Variants in ERC2 observed in about 807,000 individuals in gnomAD.
ERC2 encodes the protein ELKS/RAB6-interacting/CAST family member 2.
ERC2 carries 42 observed loss-of-function variants against 114.8 expected under a neutral mutation model. That is an observed-to-expected ratio of 0.37 (90% CI 0.29 to 0.47). The LOEUF (loss-of-function observed/expected upper bound fraction) is 0.47, where lower values mean the gene tolerates loss of function less well. Ranked by LOEUF, ERC2 falls within the 20% of genes least tolerant of loss-of-function variation. ERC2 has a pLI of 0.99. For synonymous variants in ERC2, 454 were observed against 425.5 expected, an observed-to-expected ratio of 1.07 and a Z score of -0.82; for missense variants, 939 against 1,150.7, an observed-to-expected ratio of 0.82 and a Z score of 2.66.
intron 14 of ERC2, among the ~76,000 whole-genome samples, chr3:55,748,364 A>T (rs2066440844): frequency 6.6e-6 from 1 of 152,196 alleles, no homozygotes; most frequent in African/African-American, 2.4e-5. Flanking sequence ...TTACTGAGTG[A>T]CCACTGTGTA....
intron 17 of ERC2, among the ~76,000 whole-genome samples, chr3:55,598,135 TC>T (rs2058236118): frequency 6.6e-6 from 1 of 152,236 alleles, no homozygotes. Context: ...CTTGCAAATG[TC>T]TTTTTCAGCA....
intron 13 of ERC2, among the ~76,000 whole-genome samples, chr3:55,913,156 T>TC (rs1368663644): frequency 1.3e-5 from 2 of 152,152 alleles, no homozygotes; most frequent in Non-Finnish European, 2.9e-5. Flanking sequence ...TGGCTATTTT[T>TC]CTTTTTTTAG....
intron 17 of ERC2, among the ~76,000 whole-genome samples, chr3:55,622,036 T>C (rs568482481): frequency 2.0e-4 from 31 of 152,318 alleles, no homozygotes; most frequent in African/African-American, 7.5e-4. Flanking sequence ...TAACTGGACA[T>C]AGTTGGGTAA....
intron 3 of ERC2, among the ~76,000 whole-genome samples, chr3:56,278,544 T>C (rs2054154830): frequency 6.6e-6 from 1 of 152,174 alleles, no homozygotes; most frequent in African/African-American, 2.4e-5. Context: ...AATGAGGACT[T>C]TAGTTTGGTT....
chr3:55,892,402 G>T (rs753622669), intron 13 of ERC2, among the ~76,000 whole-genome samples: 1 of 152,140 alleles, frequency 6.6e-6, no homozygotes, highest in Non-Finnish European at 1.5e-5. Context: ...CGCACCTAGA[G>T]TCCCAGCTAC....
chr3:55,828,141 CT>C (rs1203320056), intron 14 of ERC2, among the ~76,000 whole-genome samples: 1 of 152,254 alleles, frequency 6.6e-6, no homozygotes, highest in Non-Finnish European at 1.5e-5. Context: ...ACAGGGAAAG[CT>C]GCACAATGGC....
At chr3:56,048,703 T>C (rs565517496) in intron 7 of ERC2, among the ~76,000 whole-genome samples, 1 of 152,312 alleles carries the variant, frequency 6.6e-6, no homozygotes, top group Non-Finnish European at 1.5e-5. Flanking sequence ...GTTTAATTCC[T>C]CCTGTATGCC....
At chr3:55,668,039 A>C (rs1015988721) in intron 17 of ERC2, among the ~76,000 whole-genome samples, 7 of 152,240 alleles carry the variant, frequency 4.6e-5, no homozygotes, top group African/African-American at 1.7e-4. Context: ...ACAACCAAAA[A>C]TGATTCCAGA....
intron 14 of ERC2, among the ~76,000 whole-genome samples, chr3:55,844,750 A>G (rs1373865230): frequency 6.6e-6 from 1 of 152,242 alleles, no homozygotes; most frequent in Non-Finnish European, 1.5e-5. Context: ...TTATAACACC[A>G]AAATAAAAGT....
chr3:55,755,610 T>A (rs952489654), intron 14 of ERC2, among the ~76,000 whole-genome samples: 1 of 152,190 alleles, frequency 6.6e-6, no homozygotes, highest in Non-Finnish European at 1.5e-5. Flanking sequence ...ATACTTCAGT[T>A]CTCAGGTTGT....
intron 15 of ERC2, among the ~76,000 whole-genome samples, chr3:55,704,789 T>C (rs1446036057): frequency 2.0e-5 from 3 of 152,196 alleles, no homozygotes; most frequent in Admixed American, 6.5e-5. Context: ...TAAGAATAAA[T>C]GATGTAAAGG....
intron 14 of ERC2, among the ~76,000 whole-genome samples, chr3:55,866,903 T>G (rs1372289665): frequency 6.6e-6 from 1 of 152,114 alleles, no homozygotes; most frequent in African/African-American, 2.4e-5. Flanking sequence ...CAAAATTGAT[T>G]TTACATCGTC....
rs558147148 is a variant in ERC2 at position 56,253,598 on chromosome 3, G to C, written c.1074+42421C>G. ...AACATTTTAGCCTCAGTTATGAATG[G>C]GAGGCTTGAGAGATAACTGTAGGTG... On this transcript the variant is annotated intron_variant, in intron 3 of 17. Coordinates refer to ENST00000288221, the MANE Select transcript of ERC2 (RefSeq NM_015576.3). Among the ~76,000 whole-genome samples, 57 of 152,280 alleles carry C rather than the reference G, an allele frequency of 3.7e-4. 1 individual carries two copies. The highest frequency in any genetic ancestry group is 6.8e-3 in the Middle Eastern group (2 of 294).
At chr3:55,904,499 A>G (rs1256186626) in intron 13 of ERC2, among the ~76,000 whole-genome samples, 2 of 152,204 alleles carry the variant, frequency 1.3e-5, no homozygotes, top group African/African-American at 4.8e-5. Flanking sequence ...TTTTTATTAC[A>G]TCAAAATTGT....
intron 13 of ERC2, among the ~76,000 whole-genome samples, chr3:55,893,541 A>T (rs2063707748): frequency 6.6e-6 from 1 of 152,278 alleles, no homozygotes; most frequent in African/African-American, 2.4e-5. Context: ...TGACCCGTGT[A>T]CACCTGCCTA....
chr3:55,993,365 T>G (rs1186613721), intron 10 of ERC2, among the ~76,000 whole-genome samples: 1 of 152,170 alleles, frequency 6.6e-6, no homozygotes, highest in African/African-American at 2.4e-5. Context: ...TGTTTTTATA[T>G]ACTTTTTTGA....
chr3:55,752,992 T>C (rs780591507), intron 14 of ERC2, among the ~76,000 whole-genome samples: 1 of 152,212 alleles, frequency 6.6e-6, no homozygotes, highest in Non-Finnish European at 1.5e-5. Context: ...TTTGATTGTA[T>C]ATTTATTTCA....
intron 11 of ERC2, among the ~76,000 whole-genome samples, chr3:55,987,329 G>A (rs2070715113): frequency 6.6e-6 from 1 of 152,196 alleles, no homozygotes; most frequent in African/African-American, 2.4e-5. Context: ...CAAGCCTTAG[G>A]AAATCCTAAA....
At chr3:55,741,586 C>G (rs1175651421) in intron 14 of ERC2, among the ~76,000 whole-genome samples, 1 of 152,040 alleles carries the variant, frequency 6.6e-6, no homozygotes, top group Non-Finnish European at 1.5e-5. Context: ...ATCCCTTTTG[C>G]CTTTTTACAG....
Sources: allele counts gnomAD v4.1 joint callset (sites outside exome capture counted in the v4.1 genomes callset), GRCh38; gene constraint gnomAD v4.1.1; transcripts MANE v1.5; gene names NCBI Gene and HGNC (gene_info 2026-07-23, HGNC 2026-07-21).